NUDC: variants seen among roughly 807,000 people sequenced by gnomAD.
The protein encoded by NUDC is nuclear distribution C, dynein complex regulator.
In NUDC, 14 loss-of-function variants were observed where a neutral mutation model predicts 45.0. That is an observed-to-expected ratio of 0.31 (90% CI 0.21 to 0.49). NUDC has a LOEUF of 0.49. Ranked by LOEUF, NUDC falls within the 20% of genes least tolerant of loss-of-function variation. The pLI is 0.99. For synonymous variants in NUDC, 153 were observed against 156.7 expected (o/e 0.98, Z 0.17); for missense variants, 323 against 426.2 (o/e 0.76, Z 2.13).
chr1:26,926,559 C>G (rs2082134437), intron 2 of NUDC, among the ~76,000 whole-genome samples: 1 of 152,010 alleles, frequency 6.6e-6, no homozygotes, highest in Non-Finnish European at 1.5e-5. Context: ...TACAAAAGCA[C>G]TTTTAGTTTT....
At chr1:26,932,336 C>T (rs745986173) in intron 2 of NUDC, among the ~76,000 whole-genome samples, 5 of 151,862 alleles carry the variant, frequency 3.3e-5, no homozygotes, top group East Asian at 1.9e-4. Context: ...ACAACCATGC[C>T]GGGCTAATTA....
rs563119737 is a variant in NUDC at position 26,930,653 on chromosome 1, T to C, written c.159+6487T>C. Reference sequence around the variant, plus strand: ...GGAGCCCAGGAGTTTGAGGCTGCAGTGACCCATGATAAACGGCACTGTAAT... The same window carrying C: ...GGAGCCCAGGAGTTTGAGGCTGCAGCGACCCATGATAAACGGCACTGTAAT... On this transcript the variant is annotated intron_variant, in intron 2 of 8. Coordinates refer to ENST00000321265, the MANE Select transcript of NUDC (RefSeq NM_006600.4). Among the ~76,000 whole-genome samples, 6 of 148,030 alleles carry C rather than the reference T, an allele frequency of 4.1e-5. No individual in the cohort carries two copies. In the Admixed American group the frequency reaches 4.1e-4, roughly 10 times the overall value.
chr1:26,912,154 C>T (rs2082031883), intron 3 of NUDC: 4 of 1,594,464 alleles, frequency 2.5e-6, no homozygotes, highest in African/African-American at 1.3e-5. Context: ...ACAAGACTGG[C>T]CCAAGATCTG....
intron 2 of NUDC, among the ~76,000 whole-genome samples, chr1:26,937,163 G>A (rs564506775): frequency 3.1e-4 from 47 of 152,352 alleles, no homozygotes; most frequent in African/African-American, 1.1e-3. Flanking sequence ...TGTAGGGCTA[G>A]GTATGGGGGT....
chr1:26,940,553 A>G (rs2082268198), intron 2 of NUDC, among the ~76,000 whole-genome samples: 1 of 152,164 alleles, frequency 6.6e-6, no homozygotes, highest in African/African-American at 2.4e-5. Context: ...CAAGTCTTGC[A>G]TAGCTGGACT....
intron 1 of NUDC, among the ~76,000 whole-genome samples, chr1:26,922,788 T>C (rs1459201214): frequency 6.6e-6 from 1 of 152,236 alleles, no homozygotes; most frequent in Non-Finnish European, 1.5e-5. Flanking sequence ...TCCATTGAAC[T>C]TTCTATTCCT....
chr1:26,934,846 A>G (rs2082214273), intron 2 of NUDC, among the ~76,000 whole-genome samples: 1 of 151,556 alleles, frequency 6.6e-6, no homozygotes, highest in Admixed American at 6.6e-5. Context: ...TTTAGTAAAG[A>G]CGGGGTTTCA....
rs537487092 is a variant in NUDC, at chr1:26,915,752, G to A, written c.93+4517G>A. On this transcript the variant is annotated intron_variant, in intron 3 of 6. Transcript: ENST00000435827. ...AAATTCCAAGTGGTTTCTGGCATAC[G>A]GTAGGAGGATTTTTCTGCCCCTTTC... 3.2e-4 allele frequency among the ~76,000 whole-genome samples: 49 copies of A among 152,308 alleles called. 1 individual carries two copies. The Middle Eastern group carries it at 0.01, about 32-fold the overall frequency.
chr1:26,911,500 CT>C, intron 3 of NUDC: 1 of 352,982 alleles, frequency 2.8e-6, no homozygotes, highest in Non-Finnish European at 5.5e-6. Context: ...TGTTTCATAC[CT>C]TTTATTACAA....
At chr1:26,917,740 G>T (rs995295138), upstream of NUDC, among the ~76,000 whole-genome samples, 3 of 151,978 alleles carry the variant, frequency 2.0e-5, no homozygotes, top group African/African-American at 7.2e-5. Flanking sequence ...ACAAAAATTA[G>T]CCAGACATGG....
At chr1:26,932,170 A>ATTTTTC (rs1267686118) in intron 2 of NUDC, among the ~76,000 whole-genome samples, 4 of 148,628 alleles carry the variant, frequency 2.7e-5, no homozygotes, top group Non-Finnish European at 6.0e-5. Context: ...TGCCCAGCTA[A>ATTTTTC]TTTTTCTTTT....
intron 1 of NUDC, 134 bp from the exon 2 acceptor site, chr1:26,923,955 C>T: frequency 2.6e-6 from 2 of 763,934 alleles, no homozygotes; most frequent in Non-Finnish European, 4.7e-6. Flanking sequence ...GGGAGATAAT[C>T]TCCTCAGTTG....
At chr1:26,934,468 G>A (rs1328136586) in intron 2 of NUDC, among the ~76,000 whole-genome samples, 1 of 152,026 alleles carries the variant, frequency 6.6e-6, no homozygotes, top group Non-Finnish European at 1.5e-5. Flanking sequence ...TTCTGCCCCT[G>A]GTACCCCCGC....
chr1:26,945,700 A>T lies in NUDC; in HGVS notation c.944+14A>T. The T allele has an allele frequency of 6.2e-7, 1 of 1,603,206 alleles. No individual in the cohort carries two copies. Among genetic ancestry groups the T allele is most frequent in the Non-Finnish European group, 8.5e-7 (1 of 1,170,710 alleles). On this transcript the variant is annotated intron_variant, in intron 8 of 8. Coordinates refer to ENST00000321265, the MANE Select transcript of NUDC (RefSeq NM_006600.4). ...GATTCTGAAGAAGTGAGCAATTCAG[A>T]GACGGGGTTGGGGGACCGTGGGTGC...
chr1:26,943,134 T>A, intron 6 of NUDC, 69 bp downstream of exon 6: 1 of 1,524,350 alleles, frequency 6.6e-7, no homozygotes, highest in African/African-American at 1.4e-5. Context: ...GTGCTTAGTT[T>A]ACTCAGGAGC....
intron 2 of NUDC, among the ~76,000 whole-genome samples, chr1:26,907,295 A>G (rs1234740591): frequency 3.3e-5 from 5 of 152,164 alleles, no homozygotes; most frequent in East Asian, 1.9e-4. Flanking sequence ...GGCAGATTTA[A>G]TCTCTCCTGT....
At chr1:26,909,033 G>C (rs748954523) in intron 2 of NUDC, among the ~76,000 whole-genome samples, 7 of 151,938 alleles carry the variant, frequency 4.6e-5, no homozygotes, top group Admixed American at 2.0e-4. Context: ...GGAGTGCAGT[G>C]GTGCGATCTC....
At chr1:26,900,408 G>A (rs759366014) in intron 1 of NUDC, 1 of 1,611,962 alleles carries the variant, frequency 6.2e-7, no homozygotes, top group Non-Finnish European at 8.5e-7. Context: ...CAGGTAAACT[G>A]TCGCCTCCTC....
intron 1 of NUDC, among the ~76,000 whole-genome samples, chr1:26,923,817 C>G (rs2082109802): frequency 6.6e-6 from 1 of 152,054 alleles, no homozygotes; most frequent in Non-Finnish European, 1.5e-5. Context: ...GCTTTTCATG[C>G]CCTGGATGCA....
Sources: gnomAD v4.1 joint callset for allele counts (sites outside exome capture counted in the v4.1 genomes callset) on GRCh38, gnomAD v4.1.1 for gene constraint, MANE v1.5 for transcripts, NCBI Gene and HGNC (gene_info 2026-07-23, HGNC 2026-07-21) for gene names.